The following PATJ variants were observed in gnomAD, a reference collection of about 807,000 sequenced individuals.
The protein encoded by PATJ is PATJ crumbs cell polarity complex component, also known as inaD-like protein.
PATJ carries 190 observed loss-of-function variants against 224.9 expected under a neutral mutation model. That is an observed-to-expected ratio of 0.84 (90% confidence interval 0.75 to 0.95). The LOEUF (loss-of-function observed/expected upper bound fraction) is 0.95, where lower values mean the gene tolerates loss of function less well. Ranked by LOEUF, PATJ falls within the 40% of genes least tolerant of loss-of-function variation. PATJ has a pLI of 0.00. For missense variants in PATJ, 2,121 were observed against 2,270.3 expected (o/e 0.93, Z 1.34); for synonymous variants, 769 against 820.3 (o/e 0.94, Z 1.07).
At chr1:61,956,580 G>A (rs1022311815) in intron 27 of PATJ, among the ~76,000 whole-genome samples, 3 of 152,150 alleles carry the variant, frequency 2.0e-5, no homozygotes, top group Non-Finnish European at 4.4e-5. Context: ...TCTAGGTTCT[G>A]TCATCTAAGT....
intron 33 of PATJ, among the ~76,000 whole-genome samples, chr1:62,099,561 G>A (rs1290440804): frequency 6.6e-6 from 1 of 151,460 alleles, no homozygotes; most frequent in African/African-American, 2.4e-5. Flanking sequence ...GTGCAGGTAG[G>A]GACTTTTATG....
rs563835370 is a variant in PATJ at position 62,067,251 on chromosome 1, C to T, written c.4126-12199C>T. ...AAGCAATTCTCCTGCCTCAGCCTCA[C>T]GAGTAGCTGGGACTACAGGCACATG... On this transcript the variant is annotated intron_variant, in intron 31 of 43. Transcript: ENST00000642238. Among the ~76,000 whole-genome samples, 425 of 151,262 alleles carry T rather than the reference C, an allele frequency of 2.8e-3. 5 individuals are homozygous for T. The highest frequency in any genetic ancestry group is 3.4e-3 in the Middle Eastern group (1 of 294).
chr1:62,127,884 A>T, intron 39 of PATJ, 88 bp from the exon 40 acceptor site: 3 of 1,379,242 alleles, frequency 2.2e-6, no homozygotes, highest in Non-Finnish European at 3.0e-6. Context: ...TCATGGAGGG[A>T]TTTTGTTCCA....
chr1:62,153,101 ACTTTAT>A (rs750323691), intron 42 of PATJ, among the ~76,000 whole-genome samples: 2 of 152,202 alleles, frequency 1.3e-5, no homozygotes, highest in Admixed American at 1.3e-4. Flanking sequence ...CAGCATCATG[ACTTTAT>A]CTTTAATTAG....
chr1:61,823,029 G>A lies in PATJ; in HGVS notation c.1768G>A (p.Gly590Ser). 6.2e-7 allele frequency: 1 copy of A among 1,614,072 alleles called. No individual in the cohort carries two copies. The highest frequency in any genetic ancestry group is 1.1e-5 in the South Asian group (1 of 91,084). The change falls in exon 15 of 44, where the codon GGT (glycine) becomes AGT (serine). Residue 590 changes from glycine (G) to serine (S), a missense_variant. Coordinates refer to ENST00000642238, the MANE Select transcript of PATJ (RefSeq NM_001350145.3). ...HHYISSIVSG[G>S]PVDTLGLLQP... ...TTATATTTCTTCAATTGTTTCTGGT[G>A]GTCCTGTTGATACATTGGGTCTCCT...
Position 61,844,503 on chromosome 1 carries a change from C to T in PATJ, c.2112+10718C>T, listed in dbSNP as rs1557745256. Among the ~76,000 whole-genome samples, 8 of 152,328 alleles carry T rather than the reference C, an allele frequency of 5.3e-5. No homozygotes were observed. The South Asian group carries it at 1.7e-3, about 32-fold the overall frequency. ...CCCTTTCCATGGCATCAATTACCCA[C>T]TGTCAACTGCAGTCTGAAAATATTA... On this transcript the variant is annotated intron_variant, in intron 17 of 43. Transcript: ENST00000642238.
chr1:61,808,691 A>T (rs1654077885), intron 14 of PATJ, among the ~76,000 whole-genome samples, 161 bp downstream of exon 14: 1 of 152,094 alleles, frequency 6.6e-6, no homozygotes, highest in African/African-American at 2.4e-5. Context: ...AACTCGGCCC[A>T]TTTTTTTATC....
At chr1:61,755,264 G>A (rs1331702493) in intron 1 of PATJ, among the ~76,000 whole-genome samples, 1 of 149,816 alleles carries the variant, frequency 6.7e-6, no homozygotes, top group Non-Finnish European at 1.5e-5. Flanking sequence ...AACCGAGATG[G>A]CGCCACTGCA....
chr1:61,856,155 C>A lies in PATJ; in HGVS notation c.2238C>A (p.Asp746Glu). The change falls in exon 18 of 44, where the codon GAC becomes GAA. Residue 746 changes from aspartate (D) to glutamate (E), a missense_variant. Transcript: ENST00000642238. ...RLVSVNEYCL[D>E]NTSLAEAVEI... is the part of the protein sequence containing the mutation. ...TCTCAGTCAATGAATACTGTTTGGA[C>A]AACACCTCACTTGCTGAAGCTGTGG... 6.2e-7 allele frequency: 1 copy of A among 1,614,140 alleles called. No individual in the cohort carries two copies. Among genetic ancestry groups the A allele is most frequent in the Non-Finnish European group, 8.5e-7 (1 of 1,179,980 alleles).
In PATJ at chr1:62,106,158, G is replaced by GTGTGTATA. The variant is rs1356937495; in HGVS notation, c.4378-2278_4378-2277insGTGTATAT. Reference sequence around the variant, plus strand: ...TACATGTGTATATGTGTGTGTGTGTGTATATATATATATATATATATATAT... The same window carrying GTGTGTATA: ...TACATGTGTATATGTGTGTGTGTGTGTGTGTATATATATATATATATATATATATATAT... On this transcript the variant is annotated intron_variant, in intron 33 of 43. Transcript: ENST00000642238. Among the ~76,000 whole-genome samples, 113 of 48,062 alleles carry GTGTGTATA rather than the reference G, an allele frequency of 2.4e-3. 19 individuals are homozygous for GTGTGTATA. The highest frequency in any genetic ancestry group is 3.8e-3 in the Non-Finnish European group (87 of 22,810). 31.5% of individuals were successfully genotyped at this position (48,062 alleles called of 152,430 possible).
intron 28 of PATJ, among the ~76,000 whole-genome samples, chr1:61,999,709 G>A (rs570989818): frequency 2.0e-5 from 3 of 151,898 alleles, no homozygotes; most frequent in Non-Finnish European, 2.9e-5. Flanking sequence ...AAGAGAGACC[G>A]TTCCACTCCT....
intron 28 of PATJ, among the ~76,000 whole-genome samples, chr1:62,012,780 A>ATGTGTTATT (rs1425467977): frequency 1.3e-5 from 2 of 152,290 alleles, no homozygotes; most frequent in African/African-American, 4.8e-5. Context: ...ATGGCTGCAA[A>ATGTGTTATT]TGTGTTATTT....
At chr1:62,125,258 A>C (rs78543427) in intron 39 of PATJ, among the ~76,000 whole-genome samples, 26,148 of 116,276 alleles carry the variant, frequency 0.22, 3,374 homozygotes, top group Middle Eastern at 0.37. Context: ...AAAAAACAAA[A>C]AAAAACAAAA....
intron 14 of PATJ, among the ~76,000 whole-genome samples, chr1:61,818,669 A>C (rs1309242702): frequency 5.3e-5 from 8 of 152,184 alleles, no homozygotes; most frequent in Non-Finnish European, 1.2e-4. Context: ...TTTCTGGTTT[A>C]TTTGTTCACC....
chr1:62,145,342 G>C (rs1444614642), intron 41 of PATJ, among the ~76,000 whole-genome samples: 1 of 152,216 alleles, frequency 6.6e-6, no homozygotes, highest in African/African-American at 2.4e-5. Context: ...TAAGATGTAT[G>C]CAGTTCATTA....
chr1:62,129,064 G>A (rs952471569), intron 41 of PATJ, 119 bp downstream of exon 41: 8 of 593,770 alleles, frequency 1.3e-5, no homozygotes, highest in Admixed American at 1.1e-4. Context: ...TGTGAATTAC[G>A]AAGGTTGAAA....
chr1:61,825,143 A>G (rs1444361139), intron 15 of PATJ, among the ~76,000 whole-genome samples: 1 of 152,192 alleles, frequency 6.6e-6, no homozygotes, highest in African/African-American at 2.4e-5. Context: ...GATCTAATGA[A>G]ATACCATCCA....
intron 13 of PATJ, among the ~76,000 whole-genome samples, chr1:61,807,978 T>C (rs1485915412): frequency 6.6e-6 from 1 of 152,240 alleles, no homozygotes; most frequent in Admixed American, 6.5e-5. Context: ...TTTCCGTTTA[T>C]GTCTTTGCCA....
chr1:61,762,445 T>C (rs1646021436), intron 1 of PATJ, among the ~76,000 whole-genome samples: 2 of 152,214 alleles, frequency 1.3e-5, no homozygotes, highest in South Asian at 4.1e-4. Flanking sequence ...GGGGTTTTTG[T>C]AAATAAAAAT....
Sources: allele counts gnomAD v4.1 joint callset (sites outside exome capture counted in the v4.1 genomes callset), GRCh38; gene constraint gnomAD v4.1.1; transcripts MANE v1.5; gene names NCBI Gene and HGNC (gene_info 2026-07-23, HGNC 2026-07-21).